C6orf120: variants seen among roughly 807,000 people sequenced by gnomAD.
C6orf120 encodes the protein chromosome 6 open reading frame 120.
For synonymous variants in C6orf120, 165 were observed against 123.1 expected, an observed-to-expected ratio of 1.34 and a Z score of -2.25; for missense variants, 311 against 264.2, an observed-to-expected ratio of 1.18 and a Z score of -1.23.
chr6:169,703,944 G>T, exon 1 of C6orf120: 2 of 1,314,268 alleles, frequency 1.5e-6, no homozygotes, highest in Non-Finnish European at 2.1e-6. Context: ...AAATAATGTT[G>T]TAAATGGCAC....
chr6:169,704,340 T>G, exon 1 of C6orf120: 1 of 421,108 alleles, frequency 2.4e-6, no homozygotes, highest in Non-Finnish European at 4.3e-6. Context: ...TACGGACCTT[T>G]AAGAAAGTAC....
exon 1 of C6orf120, chr6:169,702,280 C>T: frequency 1.5e-6 from 1 of 682,550 alleles, no homozygotes; most frequent in Non-Finnish European, 2.7e-6. Context: ...GAGGGGTTAA[C>T]CCACCCCTCC....
Position 169,702,931 on chromosome 6 carries a change from C to A in C6orf120, c.472C>A (p.Gln158Lys), listed in dbSNP as rs780117589. ...CCCCGCCGACGGCGCAGATGCCGGC[C>A]AGAAGCACGCTGGTGCCCCGGAAGA... Residue 158 changes from glutamine (Q) to lysine (K), a missense_variant, in exon 1 of 1, where the codon CAG becomes AAG. Transcript: ENST00000332290. 5.6e-6 allele frequency: 9 copies of A among 1,612,226 alleles called. No homozygotes were observed. In the Admixed American group the frequency reaches 1.3e-4, roughly 24 times the overall value.
exon 1 of C6orf120, chr6:169,703,106 C>A: frequency 7.0e-7 from 1 of 1,436,428 alleles, no homozygotes; most frequent in Non-Finnish European, 9.4e-7. Flanking sequence ...GTGAACCTTG[C>A]TACTTGTACT....
exon 1 of C6orf120, chr6:169,702,571 G>A: frequency 6.2e-7 from 1 of 1,613,082 alleles, no homozygotes; most frequent in South Asian, 1.1e-5. Context: ...GGTCCCCGAG[G>A]AGTGGGTGCT....
At chr6:169,702,268 G>A (rs1788321896) in exon 1 of C6orf120, 1 of 692,080 alleles carries the variant, frequency 1.4e-6, no homozygotes, top group East Asian at 2.7e-5. Flanking sequence ...CGCGCTACGG[G>A]GGAGGGGTTA....
At chr6:169,703,853 CGA>C (rs1175139609) in exon 1 of C6orf120, 19 of 613,138 alleles carry the variant, frequency 3.1e-5, no homozygotes, top group Non-Finnish European at 4.8e-5. Flanking sequence ...GAGTTAGTTT[CGA>C]GAGTAAGCGT....
chr6:169,702,592 G>A lies in C6orf120; in HGVS notation c.133G>A (p.Val45Ile), dbSNP rs1239063761. 8.1e-6 allele frequency: 13 copies of A among 1,613,252 alleles called. No individual in the cohort carries two copies. The Admixed American group carries it at 1.2e-4, about 14-fold the overall frequency. Reference sequence around the variant, plus strand: ...CGAGGAGTGGGTGCTCCTGCACGTCGTCCAGGGCCAGATAGGCGCCGGGAA... The same window carrying A: ...CGAGGAGTGGGTGCTCCTGCACGTCATCCAGGGCCAGATAGGCGCCGGGAA... Residue 45 changes from valine (V) to isoleucine (I), a missense_variant, in exon 1 of 1, where the codon GTC becomes ATC. Val to Ile is a conservative substitution (Grantham distance 29). Transcript: ENST00000332290.
exon 1 of C6orf120, chr6:169,702,954 A>G (rs41265393): frequency 0.036 from 58,139 of 1,609,472 alleles, 1,273 homozygotes; most frequent in Non-Finnish European, 0.041. Flanking sequence ...GTGCCCCGGA[A>G]GACGCCTCGC....
At chr6:169,703,003 A>G (rs548887231) in exon 1 of C6orf120, 2 of 1,570,652 alleles carry the variant, frequency 1.3e-6, no homozygotes, top group South Asian at 2.3e-5. Flanking sequence ...ATTAATTAGC[A>G]TTTTGAAACT....
At chr6:169,704,321 A>G in exon 1 of C6orf120, 1 of 464,370 alleles carries the variant, frequency 2.2e-6, no homozygotes, top group Admixed American at 4.4e-5. Context: ...ATGCAATGCC[A>G]TACGGTGATA....
At chr6:169,705,034 A>G (rs1158586504), downstream of C6orf120, 11 of 851,946 alleles carry the variant, frequency 1.3e-5, no homozygotes, top group East Asian at 2.9e-4. Context: ...ATAAGAGTCC[A>G]CAAGCTCTTC....
chr6:169,705,494 A>C, downstream of C6orf120: 1 of 731,304 alleles, frequency 1.4e-6, no homozygotes, highest in Non-Finnish European at 2.4e-6. Context: ...TATGCCTCAC[A>C]AGCTACCCTG....
downstream of C6orf120, chr6:169,705,025 T>C: frequency 1.3e-6 from 1 of 743,792 alleles, no homozygotes; most frequent in Non-Finnish European, 2.2e-6. Context: ...TATTTGCACA[T>C]AAGAGTCCAC....
exon 1 of C6orf120, chr6:169,703,044 C>G: frequency 6.5e-7 from 1 of 1,545,188 alleles, no homozygotes; most frequent in Non-Finnish European, 8.8e-7. Context: ...GAGTCGTTGA[C>G]CACACTCTGG....
rs1260347471 is a variant in C6orf120 at position 169,702,696 on chromosome 6, C to A, written c.237C>A (p.Tyr79Ter). 3 of 1,613,478 alleles carry A rather than the reference C, an allele frequency of 1.9e-6. No individual in the cohort carries two copies. Among genetic ancestry groups the A allele is most frequent in the African/African-American group, 1.3e-5 (1 of 75,058 alleles). ...GCCTCAAGGGAGATGCGGATCTGTA[C>A]GTCTCCGCCAGCAGCCTGCACCCCA... Residue 79 changes from tyrosine (Y) to a stop codon, truncating the protein, a stop_gained, in exon 1 of 1, where the codon TAC (tyrosine) becomes TAA (stop). Coordinates refer to ENST00000332290, the Ensembl canonical transcript of C6orf120. LOFTEE classifies it low-confidence loss of function (END_TRUNC).
exon 1 of C6orf120, chr6:169,703,337 C>A (rs975074468): frequency 3.1e-5 from 12 of 383,648 alleles, no homozygotes; most frequent in Non-Finnish European, 5.4e-5. Context: ...AATAGAGCAA[C>A]CTTTCATGCT....
downstream of C6orf120, among the ~76,000 whole-genome samples, chr6:169,705,885 A>C (rs369691797): frequency 1.9e-4 from 29 of 152,322 alleles, no homozygotes; most frequent in South Asian, 3.9e-3. Flanking sequence ...ACAATGTAAG[A>C]CTGCCTACTG....
exon 1 of C6orf120, chr6:169,704,326 G>C (rs1361550647): frequency 2.2e-6 from 1 of 459,798 alleles, no homozygotes; most frequent in Non-Finnish European, 3.9e-6. Context: ...ATGCCATACG[G>C]TGATACGGAC....
Sources: allele counts gnomAD v4.1 joint callset (sites outside exome capture counted in the v4.1 genomes callset), GRCh38; gene constraint gnomAD v4.1.1; transcripts MANE v1.5; gene names NCBI Gene and HGNC (gene_info 2026-07-23, HGNC 2026-07-21).